ARSG: variants seen among roughly 807,000 people sequenced by gnomAD.
ARSG encodes arylsulfatase G.
ARSG carries 37 observed loss-of-function variants against 50.5 expected under a neutral mutation model. The ratio of observed to expected loss-of-function variants is 0.73; its 90% CI spans 0.56 to 0.96. The LOEUF (loss-of-function observed/expected upper bound fraction) is 0.96. Ranked by LOEUF, ARSG falls within the 50% of genes least tolerant of loss-of-function variation. ARSG has a pLI of 0.00. For synonymous variants in ARSG, 225 were observed against 254.6 expected, an observed-to-expected ratio of 0.88 and a Z score of 1.11; for missense variants, 629 against 675.3, an observed-to-expected ratio of 0.93 and a Z score of 0.76.
intron 9 of ARSG, among the ~76,000 whole-genome samples, chr17:68,387,728 T>C (rs1199028114): frequency 6.6e-6 from 1 of 152,230 alleles, no homozygotes; most frequent in Non-Finnish European, 1.5e-5. Context: ...GTTTCATTGC[T>C]TGAGGAATAT....
the ARSG span, among the ~76,000 whole-genome samples, chr17:68,442,421 C>T: frequency 8.0e-5 from 12 of 149,424 alleles, no homozygotes; most frequent in African/African-American, 2.2e-4. Flanking sequence ...GCTGAGATTG[C>T]ACCACCTCAC....
intron 5 of ARSG, among the ~76,000 whole-genome samples, chr17:68,353,653 A>T (rs1054425701): frequency 2.6e-5 from 4 of 152,224 alleles, no homozygotes; most frequent in Admixed American, 2.0e-4. Flanking sequence ...TGGCCATATG[A>T]AGGTATGACA....
intron 6 of ARSG, among the ~76,000 whole-genome samples, chr17:68,361,158 A>G (rs1192480430): frequency 1.3e-5 from 2 of 152,076 alleles, no homozygotes; most frequent in African/African-American, 4.8e-5. Flanking sequence ...TCAATCTTCC[A>G]TGGTGTCATG....
intron 1 of ARSG, 64 bp from the exon 2 acceptor site, chr17:68,306,879 T>C (rs1478408353): frequency 1.3e-5 from 2 of 152,268 alleles, no homozygotes; most frequent in African/African-American, 4.8e-5. Context: ...CCTAAGCTAC[T>C]GAGTAAAACA....
Position 68,271,632 on chromosome 17 carries a change from G to A in ARSG, c.-552+12206G>A. On this transcript the variant is annotated intron_variant, in intron 1 of 11. Transcript: ENST00000448504. This position sits in a 1 kb window ranked among gnomAD's most constrained non-coding sequence, Gnocchi z 5.3. ...AGAGGAGGCTGTATCTCCAGCCAAT[G>A]CGCTCCTTCAGAGCCATGATTGCTT... 1 of 1,613,250 alleles carries A rather than the reference G, an allele frequency of 6.2e-7. No homozygotes were observed. The highest frequency in any genetic ancestry group is 1.7e-5 in the Admixed American group (1 of 60,000).
chr17:68,401,556 G>T (rs746981186), intron 11 of ARSG, 106 bp downstream of exon 11: 6 of 1,019,510 alleles, frequency 5.9e-6, no homozygotes, highest in East Asian at 5.3e-5. Context: ...CCTCCTTTGT[G>T]GGGGGTTCTC....
At chr17:68,335,525 G>A (rs1009187656) in intron 2 of ARSG, among the ~76,000 whole-genome samples, 26 of 148,156 alleles carry the variant, frequency 1.8e-4, no homozygotes, top group Non-Finnish European at 3.3e-4. Flanking sequence ...CTGCCCTCCA[G>A]CCTGGGCAAC....
Position 68,392,210 on chromosome 17 carries a change from C to T in ARSG, c.1092-2863C>T, listed in dbSNP as rs186294217. On this transcript the variant is annotated intron_variant, in intron 9 of 11. Coordinates refer to ENST00000621439, the MANE Select transcript of ARSG (RefSeq NM_001267727.2). ...CAGCCCTCCTGGCTCCAGTAAGCCC[C>T]GCTGACTTCCAGTTGGCCTGGCCAT... Among the ~76,000 whole-genome samples the T allele has an allele frequency of 7.4e-4, 112 of 152,348 alleles. 1 individual carries two copies. Among genetic ancestry groups the T allele is most frequent in the African/African-American group, 2.4e-3 (100 of 41,580 alleles).
chr17:68,386,248 G>A (rs899767034), intron 9 of ARSG, among the ~76,000 whole-genome samples: 3 of 152,166 alleles, frequency 2.0e-5, no homozygotes, highest in African/African-American at 7.2e-5. Context: ...CACTAACAAG[G>A]GGAACCCTCC....
downstream of ARSG, chr17:68,422,731 C>CAAAAAAAAAAAAA (rs71142175): frequency 1.5e-5 from 1 of 66,420 alleles, no homozygotes; most frequent in Non-Finnish European, 2.6e-5. Context: ...TCTATCATCT[C>CAAAAAAAAAAAAA]AAAAAAAAAA....
chr17:68,373,573 A>C (rs1032381329), intron 8 of ARSG, among the ~76,000 whole-genome samples: 1 of 152,086 alleles, frequency 6.6e-6, no homozygotes, highest in Non-Finnish European at 1.5e-5. Flanking sequence ...AGATATCTTG[A>C]GAACTTTAGG....
chr17:68,393,120 T>C (rs939815641), intron 9 of ARSG, among the ~76,000 whole-genome samples: 16 of 152,216 alleles, frequency 1.1e-4, no homozygotes, highest in Non-Finnish European at 5.9e-5. Flanking sequence ...TACATGTGTG[T>C]TTCATGCACA....
intron 9 of ARSG, 66 bp from the exon 10 acceptor site, chr17:68,395,007 T>C: frequency 6.3e-7 from 1 of 1,599,046 alleles, no homozygotes; most frequent in Non-Finnish European, 8.5e-7. Context: ...AGGTGGGGGT[T>C]GACACGGCAG....
intron 1 of ARSG, among the ~76,000 whole-genome samples, chr17:68,302,869 G>A (rs1229697762): frequency 5.9e-5 from 9 of 152,148 alleles, no homozygotes; most frequent in African/African-American, 2.2e-4. Context: ...GGGATTTGTT[G>A]ACTGACGTGG....
intron 5 of ARSG, among the ~76,000 whole-genome samples, chr17:68,356,421 C>T (rs1022895087): frequency 6.6e-6 from 1 of 152,174 alleles, no homozygotes; most frequent in African/African-American, 2.4e-5. Flanking sequence ...GTCCCTAGCT[C>T]ACGAGAGTCT....
At chr17:68,426,253 G>GGGGGGGGA, downstream of ARSG, 1 of 841,018 alleles carries the variant, frequency 1.2e-6, no homozygotes, top group Non-Finnish European at 1.9e-6. Context: ...GGGGAGCGGG[G>GGGGGGGGA]GCTCAAATAA....
intron 1 of ARSG, chr17:68,269,067 C>A: frequency 6.3e-7 from 1 of 1,581,926 alleles, no homozygotes. Context: ...CTCCAGCCAA[C>A]ACAGTGGCTG....
rs149602885 is a variant in ARSG, at chr17:68,335,187, G to A, written c.219-8417G>A. 2.1e-3 allele frequency among the ~76,000 whole-genome samples: 325 copies of A among 152,054 alleles called. 2 individuals are homozygous for A. Among genetic ancestry groups the A allele is most frequent in the African/African-American group, 7.4e-3 (309 of 41,480 alleles). On this transcript the variant is annotated intron_variant, in intron 2 of 11. Transcript: ENST00000621439. ...AATTTTTAAATATTTTGTAGAGACGGGAGTCTCCCTATATTGCCCAGGCTG... is the reference window on the plus strand; with the variant it reads ...AATTTTTAAATATTTTGTAGAGACGAGAGTCTCCCTATATTGCCCAGGCTG...
intron 1 of ARSG, among the ~76,000 whole-genome samples, chr17:68,279,980 G>A (rs559387217): frequency 6.5e-4 from 99 of 152,082 alleles, no homozygotes; most frequent in African/African-American, 2.1e-3. Context: ...TCAGGAGTTC[G>A]AGACCAGCCT....
Sources: gnomAD v4.1 joint callset for allele counts (sites outside exome capture counted in the v4.1 genomes callset) on GRCh38, gnomAD v4.1.1 for gene constraint, Gnocchi (gnomAD v3.1) non-coding constraint, MANE v1.5 for transcripts, NCBI Gene and HGNC (gene_info 2026-07-23, HGNC 2026-07-21) for gene names.